Variants in PHLPP1 observed in about 807,000 individuals in gnomAD.
The protein encoded by PHLPP1 is PH domain and leucine rich repeat protein phosphatase 1.
Under a neutral mutation model 117.2 loss-of-function variants are expected in PHLPP1, and 42 were observed. The ratio of observed to expected loss-of-function variants is 0.36; its 90% CI spans 0.28 to 0.46. The LOEUF (loss-of-function observed/expected upper bound fraction) is 0.46, where lower values mean the gene tolerates loss of function less well. Among genes scored for constraint, PHLPP1 ranks in the 20% least tolerant of loss-of-function variants. The pLI is 1.00. For synonymous variants in PHLPP1, 1,042 were observed against 970.7 expected, an observed-to-expected ratio of 1.07 and a Z score of -1.37; for missense variants, 2,084 against 2,241.9, an observed-to-expected ratio of 0.93 and a Z score of 1.42.
chr18:62,975,671 A>G, intron 16 of PHLPP1, 46 bp downstream of exon 16: 1 of 1,281,628 alleles, frequency 7.8e-7, no homozygotes, highest in Non-Finnish European at 1.1e-6. Flanking sequence ...AGGAGAGGAG[A>G]GGAGACCAGG....
At chr18:62,968,295 G>A (rs949737010) in intron 14 of PHLPP1, among the ~76,000 whole-genome samples, 3 of 152,056 alleles carry the variant, frequency 2.0e-5, no homozygotes, top group Admixed American at 6.6e-5. Flanking sequence ...CTCATCTTGA[G>A]TTTTCTGGAG....
chr18:62,904,225 T>C (rs1024918105), intron 7 of PHLPP1, among the ~76,000 whole-genome samples: 1 of 152,224 alleles, frequency 6.6e-6, no homozygotes, highest in Non-Finnish European at 1.5e-5. Context: ...AATCTGAATG[T>C]GGCTTGTTCG....
chr18:62,814,524 T>C (rs1732218672), intron 1 of PHLPP1, among the ~76,000 whole-genome samples: 1 of 152,238 alleles, frequency 6.6e-6, no homozygotes, highest in Non-Finnish European at 1.5e-5. Flanking sequence ...TTTAAGGATT[T>C]ATATGCAATA....
chr18:62,781,403 T>G (rs1204630994), intron 1 of PHLPP1, among the ~76,000 whole-genome samples: 4 of 152,212 alleles, frequency 2.6e-5, no homozygotes, highest in African/African-American at 9.6e-5. Context: ...AGGTGTCTGC[T>G]TCATCTTACG....
chr18:62,951,260 C>A (rs1050343045), intron 12 of PHLPP1, among the ~76,000 whole-genome samples: 1 of 151,976 alleles, frequency 6.6e-6, no homozygotes, highest in Non-Finnish European at 1.5e-5. Flanking sequence ...GGATTACAGG[C>A]GTGAGCCACC....
intron 1 of PHLPP1, among the ~76,000 whole-genome samples, chr18:62,743,902 C>G (rs1331787332): frequency 6.6e-6 from 1 of 152,036 alleles, no homozygotes; most frequent in Non-Finnish European, 1.5e-5. Flanking sequence ...AAATTTTGGA[C>G]ATATATGTTG....
At chr18:62,958,186 T>C (rs1910673265) in intron 12 of PHLPP1, among the ~76,000 whole-genome samples, 1 of 152,254 alleles carries the variant, frequency 6.6e-6, no homozygotes, top group African/African-American at 2.4e-5. Flanking sequence ...CCTCCCAAAG[T>C]GCTGGGATTA....
Position 62,979,783 on chromosome 18 carries a change from C to G in PHLPP1, c.*352C>G, listed in dbSNP as rs1430938285. The G allele has an allele frequency of 4.8e-6, 1 of 207,762 alleles. No individual in the cohort carries two copies. Among genetic ancestry groups the G allele is most frequent in the African/African-American group, 2.3e-5 (1 of 43,352 alleles). 12.9% of individuals were successfully genotyped at this position (207,762 alleles called of 1,614,324 possible). On this transcript the variant is annotated 3_prime_UTR_variant, in exon 17 of 17. Transcript: ENST00000262719. ...TTTGTTGTTTGTTTGGAAGGCAGGG[C>G]AGGCTGCCGTTGCTAAATGATTTAA... is the stretch of plus-strand genomic sequence containing the variant.
At chr18:62,749,906 C>T (rs553155491) in intron 1 of PHLPP1, among the ~76,000 whole-genome samples, 6 of 152,322 alleles carry the variant, frequency 3.9e-5, no homozygotes, top group Admixed American at 1.3e-4. Context: ...GTTCTAGCTA[C>T]TCAGGAGGCT....
intron 4 of PHLPP1, among the ~76,000 whole-genome samples, chr18:62,889,888 A>G (rs955634217): frequency 6.6e-6 from 1 of 152,214 alleles, no homozygotes; most frequent in African/African-American, 2.4e-5. Flanking sequence ...TTTTGTACTC[A>G]GTCTTTGAAA....
intron 1 of PHLPP1, among the ~76,000 whole-genome samples, chr18:62,778,814 AT>A (rs1484159207): frequency 1.3e-5 from 2 of 152,202 alleles, no homozygotes; most frequent in African/African-American, 4.8e-5. Context: ...ATTAATGTTT[AT>A]AGCTTGATGA....
intron 12 of PHLPP1, among the ~76,000 whole-genome samples, chr18:62,953,349 A>T (rs1910518876): frequency 6.6e-6 from 1 of 152,150 alleles, no homozygotes; most frequent in Non-Finnish European, 1.5e-5. Flanking sequence ...GTTTCCTGAT[A>T]TGCCACACAA....
chr18:62,979,096 C>T lies in PHLPP1; in HGVS notation c.4819C>T (p.Pro1607Ser), dbSNP rs770437363. ...ISANEDEPGL[P>S]RKADFSAVGT... Reference sequence around the variant, plus strand: ...CGCCAACGAGGATGAGCCAGGTCTGCCCAGGAAGGCAGACTTCTCTGCCGT... The same window carrying T: ...CGCCAACGAGGATGAGCCAGGTCTGTCCAGGAAGGCAGACTTCTCTGCCGT... Residue 1607 changes from proline to serine, a missense_variant, in exon 17 of 17, where the codon CCC becomes TCC. Physicochemically the swap from Pro to Ser is moderately conservative, Grantham distance 74. Around this residue, in one of 2 missense-constraint regions of PHLPP1, gnomAD observed 1,365 missense variants for 1,605.9 expected, o/e 0.85. Transcript: ENST00000262719. The T allele has an allele frequency of 9.9e-6, 16 of 1,613,762 alleles. No homozygotes were observed. Among genetic ancestry groups the T allele is most frequent in the Non-Finnish European group, 1.4e-5 (16 of 1,179,820 alleles).
chr18:62,941,618 T>G (rs1910131402), intron 10 of PHLPP1, 100 bp from the exon 11 acceptor site: 1 of 795,888 alleles, frequency 1.3e-6, no homozygotes, highest in African/African-American at 1.7e-5. Context: ...AATTCATGTT[T>G]CTGATCCCAG....
At chr18:62,869,986 A>G (rs510269) in intron 4 of PHLPP1, among the ~76,000 whole-genome samples, 81,881 of 151,986 alleles carry the variant, frequency 0.54, 22,379 homozygotes, top group African/African-American at 0.62. Flanking sequence ...TCTGCCTCCC[A>G]GGTTCAAGCG....
chr18:62,853,070 T>C (rs903056648), intron 3 of PHLPP1, among the ~76,000 whole-genome samples: 3 of 152,208 alleles, frequency 2.0e-5, no homozygotes, highest in African/African-American at 7.2e-5. Flanking sequence ...AGCTGAGTTA[T>C]ATGTTAGAAA....
chr18:62,962,375 T>G (rs1242980038), intron 13 of PHLPP1, among the ~76,000 whole-genome samples: 1 of 152,212 alleles, frequency 6.6e-6, no homozygotes, highest in African/African-American at 2.4e-5. Context: ...TGGCACAATC[T>G]TGGCTCACCG....
At position 62,939,175 on chromosome 18, in the gene PHLPP1, G is replaced by T. The variant is rs377155358; in HGVS notation, c.2961-2543G>T. Reference sequence around the variant, plus strand: ...CCAGCTAATATTTGTATTTTTAGTAGAGGAGGGGGGTTTCACCATGTTGGC... The same window carrying T: ...CCAGCTAATATTTGTATTTTTAGTATAGGAGGGGGGTTTCACCATGTTGGC... On this transcript the variant is annotated intron_variant, in intron 10 of 16. Transcript: ENST00000262719. 1.1e-4 allele frequency among the ~76,000 whole-genome samples: 17 copies of T among 151,806 alleles called. No homozygotes were observed. In the East Asian group the frequency reaches 2.5e-3, roughly 23 times the overall value.
intron 1 of PHLPP1, among the ~76,000 whole-genome samples, chr18:62,789,237 T>G (rs1321013109): frequency 6.6e-6 from 1 of 152,194 alleles, no homozygotes; most frequent in Non-Finnish European, 1.5e-5. Flanking sequence ...ATTTTGTTGT[T>G]TTCCACAGAA....
Sources: gnomAD v4.1 joint callset for allele counts (sites outside exome capture counted in the v4.1 genomes callset) on GRCh38, gnomAD v4.1.1 for gene constraint, gnomAD v4.1.1 regional missense constraint, MANE v1.5 for transcripts, NCBI Gene and HGNC (gene_info 2026-07-23, HGNC 2026-07-21) for gene names.